The following ALDH1A1 variants were observed in gnomAD, a reference collection of about 807,000 sequenced individuals.
The protein encoded by ALDH1A1 is aldehyde dehydrogenase 1A1.
Under a neutral mutation model 62.1 loss-of-function variants are expected in ALDH1A1, and 19 were observed. The observed-to-expected ratio is 0.31, with a 90% CI of 0.21 to 0.45. ALDH1A1 has a LOEUF of 0.45. ALDH1A1 is among the 20% of genes least tolerant of loss of function. The pLI is 1.00. For missense variants in ALDH1A1, 521 were observed against 607.1 expected, an observed-to-expected ratio of 0.86 and a Z score of 1.49; for synonymous variants, 231 against 215.9, an observed-to-expected ratio of 1.07 and a Z score of -0.61.
intron 3 of ALDH1A1, 65 bp from the exon 4 acceptor site, chr9:72,929,086 A>G (rs1180642795): frequency 2.0e-6 from 3 of 1,530,510 alleles, no homozygotes; most frequent in African/African-American, 1.4e-5. Context: ...TATGTAGTAA[A>G]TATTTTCAGC....
intron 1 of ALDH1A1, among the ~76,000 whole-genome samples, chr9:72,950,385 A>AC (rs1830530369): frequency 6.6e-6 from 1 of 151,866 alleles, no homozygotes; most frequent in Non-Finnish European, 1.5e-5. Context: ...AAAGAGGAGT[A>AC]ATGAGGATAA....
chr9:72,933,592 C>CAAAAAAAAAAAAAA (rs60011646), intron 2 of ALDH1A1, among the ~76,000 whole-genome samples: 5 of 111,726 alleles, frequency 4.5e-5, no homozygotes, highest in Admixed American at 9.7e-5. Flanking sequence ...CATCTCAAAA[C>CAAAAAAAAAAAAAA]AAAAAAAAAA....
intron 2 of ALDH1A1, among the ~76,000 whole-genome samples, chr9:72,938,811 T>A (rs139345430): frequency 0.01 from 1,575 of 151,316 alleles, 19 homozygotes; most frequent in African/African-American, 0.036. Flanking sequence ...GGCACTATCT[T>A]GGCTCACTGC....
At chr9:72,916,818 G>T (rs942245556) in intron 9 of ALDH1A1, 102 bp downstream of exon 9, 3 of 918,934 alleles carry the variant, frequency 3.3e-6, no homozygotes, top group Admixed American at 6.5e-5. Context: ...CACCTAGGAA[G>T]GTGTGCAGAT....
Position 72,925,470 on chromosome 9 carries a change from T to A in ALDH1A1, c.633+14A>T. On this transcript the variant is annotated intron_variant, in intron 6 of 12. Coordinates refer to ENST00000297785, the MANE Select transcript of ALDH1A1 (RefSeq NM_000689.5). Reference sequence around the variant, plus strand: ...CTTGAGTTCTTGAGCATATTTTGATTTCGGGAGACTTACCTCTTTTATTAA... The same window carrying A: ...CTTGAGTTCTTGAGCATATTTTGATATCGGGAGACTTACCTCTTTTATTAA... 6.2e-7 allele frequency: 1 copy of A among 1,610,688 alleles called. No homozygotes were observed. The highest frequency in any genetic ancestry group is 8.5e-7 in the Non-Finnish European group (1 of 1,178,988).
chr9:72,944,619 T>C (rs900064182), intron 1 of ALDH1A1, among the ~76,000 whole-genome samples: 6 of 152,078 alleles, frequency 3.9e-5, no homozygotes, highest in Non-Finnish European at 7.4e-5. Flanking sequence ...TGAATGTTTG[T>C]TATAATAATT....
chr9:72,931,485 T>A (rs1296776276), intron 2 of ALDH1A1, among the ~76,000 whole-genome samples: 1 of 152,234 alleles, frequency 6.6e-6, no homozygotes, highest in African/African-American at 2.4e-5. Flanking sequence ...CATCTGATTG[T>A]AGAATCTTTG....
At chr9:72,934,315 C>T (rs949537025) in intron 2 of ALDH1A1, among the ~76,000 whole-genome samples, 5 of 152,140 alleles carry the variant, frequency 3.3e-5, no homozygotes, top group African/African-American at 9.7e-5. Flanking sequence ...TTCATATTGT[C>T]AATGCTGTCT....
Position 72,916,972 on chromosome 9 carries a change from T to C in ALDH1A1, c.983A>G (p.Lys328Arg), listed in dbSNP as rs186527997. ...CAGAGGATTTCCAAGGATATACTTC[T>C]TAGCCCGCTCAACACTCCTTCGAAC... ...EFVRRSVERA[K>R]KYILGNPLTP... Residue 328 changes from lysine to arginine, a missense_variant, in exon 9 of 13, where the codon AAG becomes AGG. Lys to Arg is a conservative substitution (Grantham distance 26, BLOSUM62 2). Transcript: ENST00000297785. 2.5e-6 allele frequency: 4 copies of C among 1,613,792 alleles called. No homozygotes were observed. Among genetic ancestry groups the C allele is most frequent in the African/African-American group, 2.7e-5 (2 of 75,012 alleles).
At chr9:72,927,629 G>A (rs1221021002) in intron 4 of ALDH1A1, among the ~76,000 whole-genome samples, 1 of 152,116 alleles carries the variant, frequency 6.6e-6, no homozygotes, top group East Asian at 1.9e-4. Flanking sequence ...ATTCCAATTT[G>A]TTTCTGGTAG....
chr9:72,937,018 A>C (rs895375114), intron 2 of ALDH1A1, among the ~76,000 whole-genome samples: 4 of 152,164 alleles, frequency 2.6e-5, no homozygotes, highest in African/African-American at 9.7e-5. Flanking sequence ...GGGCTCAGCT[A>C]TCTGTGTTTT....
rs149002760 is a variant in ALDH1A1, at chr9:72,911,826, G to T, written c.1200+132C>A. 8.6e-5 allele frequency: 92 copies of T among 1,072,728 alleles called. No homozygotes were observed. In the African/African-American group the frequency reaches 1.2e-3, roughly 15 times the overall value. The allele number at this position is 1,072,728 out of a possible 1,614,324, so 66.5% of individuals were successfully genotyped here. On this transcript the variant is annotated intron_variant, in intron 10 of 12. Transcript: ENST00000297785. ...CACAAATAACTTAAACCTCTATCAA[G>T]AACAGAATAAAGAGTAAGGTTTAGA...
At chr9:72,917,974 T>C (rs1227294338) in intron 8 of ALDH1A1, among the ~76,000 whole-genome samples, 1 of 152,200 alleles carries the variant, frequency 6.6e-6, no homozygotes, top group Admixed American at 6.5e-5. Context: ...TTTCATAAGG[T>C]AGTGTGTTCT....
At chr9:72,945,988 T>G (rs551681218) in intron 1 of ALDH1A1, among the ~76,000 whole-genome samples, 10 of 152,008 alleles carry the variant, frequency 6.6e-5, no homozygotes, top group Non-Finnish European at 1.5e-4. Context: ...TCTTGTTGTT[T>G]GCAAAACCCC....
Position 72,916,846 on chromosome 9 carries a change from A to C in ALDH1A1, c.1035+74T>G, listed in dbSNP as rs999102456. 6.2e-6 allele frequency: 8 copies of C among 1,281,098 alleles called. No individual in the cohort carries two copies. The African/African-American group carries it at 1.2e-4, about 20-fold the overall frequency. The allele number at this position is 1,281,098 out of a possible 1,614,324, so 79.4% of individuals were successfully genotyped here. A position where few individuals can be genotyped will look rare whatever the true frequency, so the allele number is the denominator to read the frequency against. On this transcript the variant is annotated intron_variant, in intron 9 of 12. Coordinates refer to ENST00000297785, the MANE Select transcript of ALDH1A1 (RefSeq NM_000689.5). Reference sequence around the variant, plus strand: ...GTGCAGATGGGAAGTAATCTTACTCAATAAAATCTAGGTCTAAAGAGGATA... The same window carrying C: ...GTGCAGATGGGAAGTAATCTTACTCCATAAAATCTAGGTCTAAAGAGGATA...
intron 1 of ALDH1A1, among the ~76,000 whole-genome samples, chr9:72,950,386 A>T (rs928442362): frequency 6.6e-6 from 1 of 151,876 alleles, no homozygotes; most frequent in Non-Finnish European, 1.5e-5. Context: ...AAGAGGAGTA[A>T]TGAGGATAAG....
At chr9:72,909,495 A>G in intron 11 of ALDH1A1, 107 bp downstream of exon 11, 1 of 1,130,598 alleles carries the variant, frequency 8.8e-7, no homozygotes, top group South Asian at 2.0e-5. Context: ...GCTTTTCTAG[A>G]AGGATAGGTA....
intron 11 of ALDH1A1, among the ~76,000 whole-genome samples, chr9:72,908,551 AGAAGAAAGAAAGAAAG>A (rs1829919588): frequency 3.8e-5 from 2 of 52,320 alleles, no homozygotes; most frequent in Non-Finnish European, 8.1e-5. Context: ...AAGAAAAGAA[AGAAGAAAGAAAGAAAG>A]AAAGAAAGAA....
chr9:72,952,122 A>C (rs1451704951), intron 1 of ALDH1A1, among the ~76,000 whole-genome samples: 1 of 151,900 alleles, frequency 6.6e-6, no homozygotes, highest in Non-Finnish European at 1.5e-5. Context: ...TCTGCATCAC[A>C]CCATAAAGAT....
Sources: allele counts gnomAD v4.1 joint callset (sites outside exome capture counted in the v4.1 genomes callset), GRCh38; gene constraint gnomAD v4.1.1; transcripts MANE v1.5; gene names NCBI Gene and HGNC (gene_info 2026-07-23, HGNC 2026-07-21).